The following HPSE2 variants were observed in gnomAD, a reference collection of about 807,000 sequenced individuals.
The protein encoded by HPSE2 is inactive heparanase-2.
A neutral mutation model predicts 60.5 loss-of-function variants in HPSE2; 38 were observed. The observed-to-expected ratio is 0.63, with a 90% confidence interval of 0.48 to 0.82. The LOEUF (loss-of-function observed/expected upper bound fraction) is 0.82, where lower values mean the gene tolerates loss of function less well. Among genes scored for constraint, HPSE2 ranks in the 40% least tolerant of loss-of-function variants. The pLI is 0.00. For synonymous variants in HPSE2, 295 were observed against 293.2 expected (o/e 1.01, Z -0.06); for missense variants, 713 against 740.4 (o/e 0.96, Z 0.43).
intron 3 of HPSE2, among the ~76,000 whole-genome samples, chr10:98,830,648 T>C (rs1412060938): frequency 1.3e-5 from 2 of 152,196 alleles, no homozygotes; most frequent in Non-Finnish European, 2.9e-5. Context: ...ACTCCCAACA[T>C]TATGAAAATT....
At chr10:99,189,067 T>C (rs768925184) in intron 2 of HPSE2, among the ~76,000 whole-genome samples, 2 of 152,198 alleles carry the variant, frequency 1.3e-5, no homozygotes, top group Non-Finnish European at 2.9e-5. Context: ...ATGTTGAAAA[T>C]AAACATGCTT....
intron 3 of HPSE2, among the ~76,000 whole-genome samples, chr10:98,885,536 C>T (rs369254495): frequency 7.9e-5 from 12 of 152,180 alleles, no homozygotes; most frequent in African/African-American, 2.6e-4. Flanking sequence ...GCTGTCTTAT[C>T]TTAAGAAATT....
rs559313881 is a variant in HPSE2, at chr10:98,775,511, T to C, written c.611-31455A>G. 3.0e-4 allele frequency among the ~76,000 whole-genome samples: 46 copies of C among 152,348 alleles called. No individual in the cohort carries two copies. In the South Asian group the frequency reaches 8.3e-3, roughly 27 times the overall value. ...TGAAGCCCAACAATTATAAGTTTAG[T>C]TGATATCTAAAGAGCAAATCAGTGG... is the stretch of plus-strand genomic sequence containing the variant. On this transcript the variant is annotated intron_variant, in intron 3 of 11. Transcript: ENST00000370552.
intron 3 of HPSE2, among the ~76,000 whole-genome samples, chr10:98,932,745 T>C (rs1251609914): frequency 7.0e-6 from 1 of 143,440 alleles, no homozygotes; most frequent in Non-Finnish European, 1.5e-5. Flanking sequence ...TTCTTCTAGA[T>C]TTTCTAGTTT....
intron 9 of HPSE2, among the ~76,000 whole-genome samples, chr10:98,525,896 T>C (rs1418316664): frequency 1.3e-5 from 2 of 152,230 alleles, no homozygotes; most frequent in Non-Finnish European, 2.9e-5. Context: ...AATTTTTTGA[T>C]GTAACACTCC....
intron 9 of HPSE2, among the ~76,000 whole-genome samples, chr10:98,524,849 C>T (rs568375243): frequency 1.4e-4 from 21 of 152,254 alleles, no homozygotes; most frequent in Admixed American, 4.6e-4. Context: ...TGAAATCTTA[C>T]ATGCACAATA....
chr10:98,921,647 G>T (rs1954285125), intron 3 of HPSE2, among the ~76,000 whole-genome samples: 1 of 152,150 alleles, frequency 6.6e-6, no homozygotes, highest in Non-Finnish European at 1.5e-5. Flanking sequence ...GCTTTGCATG[G>T]TTCATTAGCA....
intron 7 of HPSE2, among the ~76,000 whole-genome samples, chr10:98,626,504 A>G (rs1017233951): frequency 2.8e-4 from 43 of 152,178 alleles, no homozygotes; most frequent in Non-Finnish European, 4.1e-4. Flanking sequence ...ACAGGTTACC[A>G]TTCCATTGCA....
At chr10:99,057,131 T>C (rs965786734) in intron 3 of HPSE2, among the ~76,000 whole-genome samples, 2 of 152,174 alleles carry the variant, frequency 1.3e-5, no homozygotes, top group African/African-American at 4.8e-5. Flanking sequence ...GGTGGTTACA[T>C]AGGTGTATAA....
intron 9 of HPSE2, among the ~76,000 whole-genome samples, chr10:98,608,941 T>C (rs1945671288): frequency 6.6e-6 from 1 of 152,154 alleles, no homozygotes; most frequent in Admixed American, 6.5e-5. Context: ...TTAATTTTCA[T>C]ACACCCTGTG....
chr10:98,743,321 C>G (rs1949548271), intron 4 of HPSE2, among the ~76,000 whole-genome samples: 1 of 152,128 alleles, frequency 6.6e-6, no homozygotes. Context: ...ACAGGCTGCA[C>G]ACCCTTGAAA....
At chr10:99,136,078 A>T (rs1845637875) in intron 3 of HPSE2, among the ~76,000 whole-genome samples, 1 of 152,214 alleles carries the variant, frequency 6.6e-6, no homozygotes, top group Non-Finnish European at 1.5e-5. Flanking sequence ...TCCCACAGAA[A>T]TACGAACTAC....
At chr10:99,163,084 G>A (rs933050898) in intron 2 of HPSE2, among the ~76,000 whole-genome samples, 2 of 151,942 alleles carry the variant, frequency 1.3e-5, no homozygotes, top group Non-Finnish European at 2.9e-5. Context: ...GGTGGCAGAC[G>A]CCTGTAGTCC....
intron 6 of HPSE2, among the ~76,000 whole-genome samples, chr10:98,662,239 A>G (rs1947244473): frequency 6.6e-6 from 1 of 152,174 alleles, no homozygotes; most frequent in South Asian, 2.1e-4. Flanking sequence ...ATTTTTCCAA[A>G]GTATGTTCAT....
At chr10:99,265,218 A>G in the HPSE2 span, among the ~76,000 whole-genome samples, 4 of 152,170 alleles carry the variant, frequency 2.6e-5, no homozygotes. Flanking sequence ...TGCCCTTAAG[A>G]AGGTCCTTTG....
intron 3 of HPSE2, among the ~76,000 whole-genome samples, chr10:98,862,932 T>A (rs1952494147): frequency 2.0e-5 from 3 of 152,158 alleles, no homozygotes; most frequent in Admixed American, 2.0e-4. Context: ...GGCTACTTTT[T>A]AAAAAGATTT....
At chr10:98,464,926 T>A (rs1036887546) in intron 11 of HPSE2, among the ~76,000 whole-genome samples, 1 of 152,208 alleles carries the variant, frequency 6.6e-6, no homozygotes, top group African/African-American at 2.4e-5. Context: ...CATTGATCAT[T>A]GCTAGTGTTT....
At chr10:99,215,126 T>TA (rs1849075827) in intron 2 of HPSE2, among the ~76,000 whole-genome samples, 3 of 152,042 alleles carry the variant, frequency 2.0e-5, no homozygotes, top group African/African-American at 7.2e-5. Flanking sequence ...CGGCCCAACC[T>TA]AAACTATAAA....
intron 3 of HPSE2, among the ~76,000 whole-genome samples, chr10:99,052,746 A>G (rs1958019649): frequency 6.6e-6 from 1 of 152,134 alleles, no homozygotes; most frequent in Non-Finnish European, 1.5e-5. Context: ...GAAAAGGCCA[A>G]GAGGAAAGTA....
Sources: allele counts gnomAD v4.1 joint callset (sites outside exome capture counted in the v4.1 genomes callset), GRCh38; gene constraint gnomAD v4.1.1; transcripts MANE v1.5; gene names NCBI Gene and HGNC (gene_info 2026-07-23, HGNC 2026-07-21).